The following SLC4A8 variants were observed in gnomAD, a reference collection of about 807,000 sequenced individuals.
SLC4A8 encodes electroneutral sodium bicarbonate exchanger 1.
A neutral mutation model predicts 125.0 loss-of-function variants in SLC4A8; 40 were observed. The observed-to-expected ratio is 0.32, with a 90% CI of 0.25 to 0.42. SLC4A8 has a LOEUF of 0.42. Ranked by LOEUF, SLC4A8 falls within the 10% of genes least tolerant of loss-of-function variation. The pLI is 1.00. For synonymous variants in SLC4A8, 456 were observed against 476.0 expected, an observed-to-expected ratio of 0.96 and a Z score of 0.55; for missense variants, 863 against 1,355.1, an observed-to-expected ratio of 0.64 and a Z score of 5.70.
intron 1 of SLC4A8, among the ~76,000 whole-genome samples, chr12:51,431,837 A>G (rs943325719): frequency 3.9e-5 from 6 of 152,166 alleles, no homozygotes; most frequent in African/African-American, 1.4e-4. Flanking sequence ...CAAGGATTTA[A>G]GAAGGTAATA....
At chr12:51,456,471 A>G (rs984871988) in intron 5 of SLC4A8, among the ~76,000 whole-genome samples, 2 of 152,252 alleles carry the variant, frequency 1.3e-5, no homozygotes, top group Admixed American at 6.5e-5. Flanking sequence ...GATTCTTCAC[A>G]TCAGGTACCT....
At chr12:51,494,113 G>A (rs1951395156) in intron 20 of SLC4A8, among the ~76,000 whole-genome samples, 2 of 152,134 alleles carry the variant, frequency 1.3e-5, no homozygotes, top group Admixed American at 6.5e-5. Context: ...GAACCAAACT[G>A]GCTTTCACTC....
At chr12:51,478,207 G>A (rs1356066828) in intron 16 of SLC4A8, among the ~76,000 whole-genome samples, 4 of 151,796 alleles carry the variant, frequency 2.6e-5, no homozygotes, top group Admixed American at 6.6e-5. Flanking sequence ...CCTGAGAGGC[G>A]GAGGTTGCAG....
chr12:51,397,187 CA>C (rs1948281109), intron 1 of SLC4A8, among the ~76,000 whole-genome samples: 3 of 152,168 alleles, frequency 2.0e-5, no homozygotes, highest in Admixed American at 1.3e-4. Context: ...CTCGGCCTCC[CA>C]AAGTGCTGGG....
At position 51,495,058 on chromosome 12, in the gene SLC4A8, C is replaced by T; in HGVS notation, c.2883C>T (p.Thr961=). The part of the protein sequence containing the change: ...KVHLFTLIQL[T]CLVLLWVIKA... ...ACCTCTTCACCCTCATCCAGTTGAC[C>T]TGTCTCGTCCTGCTCTGGGTCATCA... Residue 961 remains threonine (T), a synonymous_variant, in exon 21 of 25, where the codon ACC becomes ACT. Coordinates refer to ENST00000453097, the MANE Select transcript of SLC4A8 (RefSeq NM_001039960.3). 2 of 1,614,184 alleles carry T rather than the reference C, an allele frequency of 1.2e-6. No homozygotes were observed. The highest frequency in any genetic ancestry group is 1.7e-6 in the Non-Finnish European group (2 of 1,179,976).
In SLC4A8 at chr12:51,504,130, C is replaced by G; in HGVS notation, c.3173+10C>G. 2 of 1,491,086 alleles carry G rather than the reference C, an allele frequency of 1.3e-6. No individual in the cohort carries two copies. Among genetic ancestry groups the G allele is most frequent in the Admixed American group, 1.9e-5 (1 of 52,962 alleles). The allele number at this position is 1,491,086 out of a possible 1,614,324, so 92.4% of individuals were successfully genotyped here. ...AGAACATCAGTTGCAGGTAAAACTT[C>G]CAAACACCAAGGAGTTTACTTTTGG... On this transcript the variant is annotated intron_variant, in intron 23 of 24. Transcript: ENST00000453097.
At chr12:51,505,298 G>A (rs746280434) in intron 23 of SLC4A8, among the ~76,000 whole-genome samples, 3 of 152,190 alleles carry the variant, frequency 2.0e-5, no homozygotes, top group Non-Finnish European at 4.4e-5. Flanking sequence ...TCTACTTGCT[G>A]TTGTTTGACC....
chr12:51,460,127 C>T lies in SLC4A8; in HGVS notation c.1013+19C>T, dbSNP rs753626646. 6.2e-7 allele frequency: 1 copy of T among 1,602,050 alleles called. No homozygotes were observed. Among genetic ancestry groups the T allele is most frequent in the South Asian group, 1.1e-5 (1 of 90,826 alleles). The stretch of plus-strand genomic sequence containing the variant: ...CAACAAGGTAAAGGCAAAGATAAAA[C>T]TCATGCATTCTATCCAAAATTCAAA... On this transcript the variant is annotated intron_variant, in intron 8 of 24. Coordinates refer to ENST00000453097, the MANE Select transcript of SLC4A8 (RefSeq NM_001039960.3).
chr12:51,480,830 T>C (rs1951008542), intron 16 of SLC4A8, among the ~76,000 whole-genome samples: 4 of 152,240 alleles, frequency 2.6e-5, no homozygotes, highest in Admixed American at 1.3e-4. Flanking sequence ...GTGCCTGCTG[T>C]TTCTCTGTCG....
At chr12:51,465,871 A>G (rs1950496902) in intron 11 of SLC4A8, among the ~76,000 whole-genome samples, 1 of 152,170 alleles carries the variant, frequency 6.6e-6, no homozygotes, top group African/African-American at 2.4e-5. Flanking sequence ...TTTTTTGTAT[A>G]TGGACATCCT....
intron 2 of SLC4A8, among the ~76,000 whole-genome samples, chr12:51,447,749 C>G (rs1271908599): frequency 1.4e-5 from 2 of 142,558 alleles, no homozygotes; most frequent in African/African-American, 5.3e-5. Flanking sequence ...CAGAGTCTCG[C>G]TCTGTCACCC....
rs1189316744 is a variant in SLC4A8, at chr12:51,515,159, A to G, written c.*7721A>G. ...CTTAGCAGGTTTGCAATTGACTTCA[A>G]CATGCAGGCTTTTCACATGTGCAAT... On this transcript the variant is annotated 3_prime_UTR_variant, in exon 25 of 25. Transcript: ENST00000453097. The G allele has an allele frequency of 6.6e-6, 1 of 152,230 alleles. No homozygotes were observed. The highest frequency in any genetic ancestry group is 1.9e-4 in the East Asian group (1 of 5,204). 9.4% of individuals were successfully genotyped at this position (152,230 alleles called of 1,614,324 possible). A position where few individuals can be genotyped will look rare whatever the true frequency, so the allele number is the denominator to read the frequency against.
chr12:51,403,351 T>G, intron 1 of SLC4A8: 1 of 424,118 alleles, frequency 2.4e-6, no homozygotes, highest in Non-Finnish European at 4.9e-6. Flanking sequence ...ATTTCCAGAG[T>G]TTGGGCAGGA....
At chr12:51,452,720 G>A (rs942814192) in intron 4 of SLC4A8, among the ~76,000 whole-genome samples, 5 of 152,190 alleles carry the variant, frequency 3.3e-5, no homozygotes, top group Non-Finnish European at 7.3e-5. Context: ...GACAATTCAA[G>A]CTATCTAGAG....
At chr12:51,430,075 G>A (rs1050249212) in intron 1 of SLC4A8, among the ~76,000 whole-genome samples, 1 of 152,094 alleles carries the variant, frequency 6.6e-6, no homozygotes, top group Non-Finnish European at 1.5e-5. Flanking sequence ...GGATGGGGAA[G>A]CAAGTGAATT....
Position 51,514,122 on chromosome 12 carries a change from T to A in SLC4A8, c.*6684T>A, listed in dbSNP as rs766594077. 1 of 152,656 alleles carries A rather than the reference T, an allele frequency of 6.6e-6. No individual in the cohort carries two copies. The highest frequency in any genetic ancestry group is 1.5e-5 in the Non-Finnish European group (1 of 68,046). 9.5% of individuals were successfully genotyped at this position (152,656 alleles called of 1,614,324 possible). The stretch of plus-strand genomic sequence containing the variant: ...TATCAATATATTCTCTCTGTTGCTT[T>A]ATCAGCTTCTCTAAATTTATTTTGT... On this transcript the variant is annotated 3_prime_UTR_variant, in exon 25 of 25. Coordinates refer to ENST00000453097, the MANE Select transcript of SLC4A8 (RefSeq NM_001039960.3).
At chr12:51,491,481 G>A (rs956621378) in intron 19 of SLC4A8, among the ~76,000 whole-genome samples, 2 of 152,042 alleles carry the variant, frequency 1.3e-5, no homozygotes, top group African/African-American at 2.4e-5. Context: ...AAGAGGGATT[G>A]GGTAGACACG....
chr12:51,455,271 TAAA>T (rs544910543), intron 5 of SLC4A8, among the ~76,000 whole-genome samples: 7 of 138,084 alleles, frequency 5.1e-5, no homozygotes, highest in Non-Finnish European at 7.9e-5. Context: ...CCCTGTCTCT[TAAA>T]AAAAAAAAAA....
At chr12:51,484,915 G>A (rs143151449) in intron 16 of SLC4A8, among the ~76,000 whole-genome samples, 2,399 of 152,266 alleles carry the variant, frequency 0.016, 29 homozygotes, top group Non-Finnish European at 0.022. Flanking sequence ...TGATATTTGA[G>A]TTGAACCTAA....
Sources: gnomAD v4.1 joint callset for allele counts (sites outside exome capture counted in the v4.1 genomes callset) on GRCh38, gnomAD v4.1.1 for gene constraint, MANE v1.5 for transcripts, NCBI Gene and HGNC (gene_info 2026-07-23, HGNC 2026-07-21) for gene names.